Variants in ZBTB25 observed in about 807,000 individuals in gnomAD.
ZBTB25 encodes zinc finger and BTB domain containing 25.
ZBTB25 carries 20 observed loss-of-function variants against 34.2 expected under a neutral mutation model. That is an observed-to-expected ratio of 0.58 (90% CI 0.41 to 0.85). The LOEUF (loss-of-function observed/expected upper bound fraction) is 0.85, where lower values mean the gene tolerates loss of function less well. ZBTB25 is among the 40% of genes least tolerant of loss of function. The pLI, the probability that ZBTB25 is intolerant of heterozygous loss-of-function variation, is 0.00. For synonymous variants in ZBTB25, 175 were observed against 186.4 expected (o/e 0.94, Z 0.50); for missense variants, 437 against 521.8 (o/e 0.84, Z 1.58).
intron 2 of ZBTB25, among the ~76,000 whole-genome samples, chr14:64,451,631 A>G (rs1187938184): frequency 2.0e-5 from 3 of 152,232 alleles, no homozygotes; most frequent in Non-Finnish European, 4.4e-5. Context: ...CAAGGCTGGA[A>G]GCCCAGTCCT....
chr14:64,484,914 A>C lies in ZBTB25; in HGVS notation c.*2009T>G. On this transcript the variant is annotated 3_prime_UTR_variant, in exon 3 of 3. Coordinates refer to ENST00000608382, the MANE Select transcript of ZBTB25 (RefSeq NM_006977.5). ...AATAGTTGCTTAAGTGAATTGGTAG[A>C]AAAAAGTTTAAGATTAGACAAAGTT... 2.5e-6 allele frequency: 2 copies of C among 807,456 alleles called. No homozygotes were observed. Among genetic ancestry groups the C allele is most frequent in the Non-Finnish European group, 3.0e-6 (2 of 667,560 alleles). 50.0% of individuals were successfully genotyped at this position (807,456 alleles called of 1,614,324 possible).
intron 1 of ZBTB25, among the ~76,000 whole-genome samples, chr14:64,501,187 T>C (rs2079484836): frequency 6.6e-6 from 1 of 152,228 alleles, no homozygotes; most frequent in Non-Finnish European, 1.5e-5. Flanking sequence ...TCTTTCCTTT[T>C]TAGGGAGAAT....
At position 64,481,011 on chromosome 14, in the gene ZBTB25, C is replaced by G. The variant is rs2078785610; in HGVS notation, c.*5912G>C. 1 of 152,136 alleles carries G rather than the reference C, an allele frequency of 6.6e-6. No individual in the cohort carries two copies. The highest frequency in any genetic ancestry group is 6.6e-5 in the Admixed American group (1 of 15,242). The allele number at this position is 152,136 out of a possible 1,614,324, so 9.4% of individuals were successfully genotyped here. A position where few individuals can be genotyped will look rare whatever the true frequency, so the allele number is the denominator to read the frequency against. ...GCAATGGCGCAATCTCGGCTCACTG[C>G]AACCTCCATCTCCCGGGTTCAAATG... On this transcript the variant is annotated 3_prime_UTR_variant, in exon 3 of 3. Coordinates refer to ENST00000608382, the MANE Select transcript of ZBTB25 (RefSeq NM_006977.5).
Position 64,478,551 on chromosome 14 carries a change from T to G in ZBTB25, c.*8372A>C, listed in dbSNP as rs1000163932. The G allele has an allele frequency of 2.6e-5, 4 of 152,224 alleles. No individual in the cohort carries two copies. The highest frequency in any genetic ancestry group is 2.0e-4 in the Admixed American group (3 of 15,282). The allele number at this position is 152,224 out of a possible 1,614,324, so 9.4% of individuals were successfully genotyped here. A position where few individuals can be genotyped will look rare whatever the true frequency, so the allele number is the denominator to read the frequency against. On this transcript the variant is annotated 3_prime_UTR_variant, in exon 3 of 3. Coordinates refer to ENST00000608382, the MANE Select transcript of ZBTB25 (RefSeq NM_006977.5). ...AACACCAAAAACTGAGTGTGATGCC[T>G]GATTAAAAGAGCCCAAATTCCAAGG...
chr14:64,502,586 T>A, intron 1 of ZBTB25: 1 of 971,930 alleles, frequency 1.0e-6, no homozygotes, highest in South Asian at 4.8e-5. Flanking sequence ...AGAAATACCA[T>A]CAAACCCACA....
At chr14:64,502,422 A>G (rs962647036) in intron 1 of ZBTB25, 1 of 155,558 alleles carries the variant, frequency 6.4e-6, no homozygotes, top group African/African-American at 2.4e-5. Context: ...CTTAACTAAA[A>G]TATATCCAGA....
chr14:64,466,541 G>C (rs569066656), intron 2 of ZBTB25, among the ~76,000 whole-genome samples: 1 of 152,314 alleles, frequency 6.6e-6, no homozygotes, highest in East Asian at 1.9e-4. Flanking sequence ...TTAGGTTCTA[G>C]TGCTCACTGA....
intron 2 of ZBTB25, among the ~76,000 whole-genome samples, chr14:64,454,259 C>T (rs556719395): frequency 4.6e-5 from 7 of 152,112 alleles, no homozygotes; most frequent in Non-Finnish European, 7.3e-5. Flanking sequence ...CCTACAGGCA[C>T]GCACCACCAC....
rs1413517617 is a variant in ZBTB25 at position 64,487,425 on chromosome 14, A to T, written c.806T>A (p.Val269Asp). 1 of 1,614,102 alleles carries T rather than the reference A, an allele frequency of 6.2e-7. No individual in the cohort carries two copies. The highest frequency in any genetic ancestry group is 1.7e-5 in the Admixed American group (1 of 60,008). The change falls in exon 3 of 3, where the codon GTC becomes GAC. Residue 269 changes from valine to aspartate, a missense_variant. By Grantham distance (152) the Val-to-Asp change is radical. Coordinates refer to ENST00000608382, the MANE Select transcript of ZBTB25 (RefSeq NM_006977.5). ...THVSGSLPFGVPASILESNDL... is the reference protein window; with the variant it reads ...THVSGSLPFGDPASILESNDL... ...ATTACTTTCCAGAATGGAAGCAGGG[A>T]CACCGAATGGCAGGGATCCAGACAC...
downstream of ZBTB25, among the ~76,000 whole-genome samples, chr14:64,476,608 A>G (rs1010000411): frequency 4.6e-5 from 7 of 152,250 alleles, no homozygotes; most frequent in African/African-American, 1.7e-4. Flanking sequence ...GGCGTAAGCC[A>G]CCACGCCCAG....
chr14:64,490,105 G>A, intron 2 of ZBTB25, among the ~76,000 whole-genome samples: 1 of 148,820 alleles, frequency 6.7e-6, no homozygotes, highest in African/African-American at 2.5e-5. Flanking sequence ...GTACTCGGGA[G>A]GCTGAGGCAG....
In ZBTB25 at chr14:64,490,465, C is replaced by T. The variant is rs755281348; in HGVS notation, c.69G>A (p.Leu23=). The change falls in exon 2 of 3, where the codon CTG becomes CTA. Residue 23 remains leucine, a synonymous_variant. Transcript: ENST00000608382. ...QLNMQREFGF[L]CDCTVAIGDV... Reference sequence around the variant, plus strand: ...CTCCAATTGCAACTGTGCAATCACACAGAAAACCAAATTCTCGCTGCATGT... The same window carrying T: ...CTCCAATTGCAACTGTGCAATCACATAGAAAACCAAATTCTCGCTGCATGT... The T allele has an allele frequency of 1.9e-5, 30 of 1,613,558 alleles. 2 individuals carry two copies. In the South Asian group the frequency reaches 2.7e-4, roughly 15 times the overall value.
Position 64,488,177 on chromosome 14 carries a change from C to T in ZBTB25, c.174-120G>A, listed in dbSNP as rs1376203989. The T allele has an allele frequency of 2.1e-6, 3 of 1,417,612 alleles. No homozygotes were observed. The African/African-American group carries it at 4.3e-5, about 20-fold the overall frequency. 87.8% of individuals were successfully genotyped at this position (1,417,612 alleles called of 1,614,324 possible). The stretch of plus-strand genomic sequence containing the variant: ...TAAGAAGTTCGAACCTAGCAATCTG[C>T]CTTAATAAAACATGGCAACAAAGGC... On this transcript the variant is annotated intron_variant, in intron 2 of 2. Coordinates refer to ENST00000608382, the MANE Select transcript of ZBTB25 (RefSeq NM_006977.5).
intron 2 of ZBTB25, among the ~76,000 whole-genome samples, chr14:64,465,785 G>T (rs1395927315): frequency 6.6e-6 from 1 of 152,170 alleles, no homozygotes; most frequent in African/African-American, 2.4e-5. Context: ...TCCGCGGCCA[G>T]GGCGACCCTC....
upstream of ZBTB25, chr14:64,503,891 TCCCGCCCG>T (rs920717329): frequency 1.3e-5 from 2 of 151,930 alleles, no homozygotes; most frequent in East Asian, 2.0e-4. Flanking sequence ...GTGCGCGCCC[TCCCGCCCG>T]CCCGCCTCAG....
At chr14:64,456,694 C>T (rs1320004284) in intron 2 of ZBTB25, among the ~76,000 whole-genome samples, 1 of 152,198 alleles carries the variant, frequency 6.6e-6, no homozygotes, top group Non-Finnish European at 1.5e-5. Flanking sequence ...ACTTGTCTCA[C>T]ACCTAGCACC....
chr14:64,455,041 C>A, intron 2 of ZBTB25: 1 of 704,814 alleles, frequency 1.4e-6, no homozygotes, highest in Non-Finnish European at 2.5e-6. Flanking sequence ...AAAGCAGGAG[C>A]TATATAGCTC....
downstream of ZBTB25, among the ~76,000 whole-genome samples, chr14:64,474,939 A>G (rs2078705806): frequency 6.6e-6 from 1 of 152,192 alleles, no homozygotes; most frequent in African/African-American, 2.4e-5. Flanking sequence ...TCATTTTGGT[A>G]ATGTTAACAC....
intron 2 of ZBTB25, among the ~76,000 whole-genome samples, chr14:64,456,832 G>C (rs937180759): frequency 6.6e-6 from 1 of 152,162 alleles, no homozygotes; most frequent in East Asian, 1.9e-4. Context: ...ATGATGTTTT[G>C]TGTTACAGAA....
Sources: allele counts gnomAD v4.1 joint callset (sites outside exome capture counted in the v4.1 genomes callset), GRCh38; gene constraint gnomAD v4.1.1; transcripts MANE v1.5; gene names NCBI Gene and HGNC (gene_info 2026-07-23, HGNC 2026-07-21).